The following NEGR1 variants were observed in gnomAD, a reference collection of about 807,000 sequenced individuals.
The protein encoded by NEGR1 is IgLON family member 4.
In NEGR1, 10 loss-of-function variants were observed where a neutral mutation model predicts 40.9. That is an observed-to-expected ratio of 0.24 (90% CI 0.15 to 0.42). The LOEUF (loss-of-function observed/expected upper bound fraction) is 0.42, where lower values mean the gene tolerates loss of function less well. Among genes scored for constraint, NEGR1 ranks in the 10% least tolerant of loss-of-function variants. The pLI is 1.00. For missense variants in NEGR1, 352 were observed against 438.9 expected (o/e 0.80, Z 1.77); for synonymous variants, 185 against 166.8 (o/e 1.11, Z -0.84).
At chr1:71,538,419 A>G (rs564699712) in intron 6 of NEGR1, among the ~76,000 whole-genome samples, 1 of 151,792 alleles carries the variant, frequency 6.6e-6, no homozygotes, top group East Asian at 2.0e-4. Context: ...CTGTTGAGAG[A>G]TAACATGATT....
chr1:72,258,903 T>C (rs999865892), intron 1 of NEGR1, among the ~76,000 whole-genome samples: 1 of 152,132 alleles, frequency 6.6e-6, no homozygotes, highest in East Asian at 1.9e-4. Flanking sequence ...TACATGACGT[T>C]GGTCATCTTT....
At chr1:71,493,542 G>A (rs1646943076) in intron 6 of NEGR1, among the ~76,000 whole-genome samples, 1 of 152,018 alleles carries the variant, frequency 6.6e-6, no homozygotes, top group Non-Finnish European at 1.5e-5. Flanking sequence ...CTCTTTTTAA[G>A]TCTTATGTTT....
rs10668432 is a variant in NEGR1, at chr1:71,836,480, G to GTATATA, written c.410-60189_410-60184dup. ...ACAAAAAACAACAAAATATATATGT[G>GTATATA]TATATATATATATATATATGAAGTC... On this transcript the variant is annotated intron_variant, in intron 2 of 6. Coordinates refer to ENST00000357731, the MANE Select transcript of NEGR1 (RefSeq NM_173808.3). Among the ~76,000 whole-genome samples the GTATATA allele has an allele frequency of 5.1e-3, 744 of 144,540 alleles. 2 individuals carry two copies. The highest frequency in any genetic ancestry group is 7.7e-3 in the Non-Finnish European group (509 of 66,342). The allele number at this position is 144,540 out of a possible 152,430, so 94.8% of individuals were successfully genotyped here.
chr1:71,726,038 T>C (rs907237899), intron 3 of NEGR1, among the ~76,000 whole-genome samples: 1 of 152,162 alleles, frequency 6.6e-6, no homozygotes, highest in Non-Finnish European at 1.5e-5. Context: ...ATACTGATGC[T>C]TGGAAAGAAT....
intron 1 of NEGR1, among the ~76,000 whole-genome samples, chr1:72,100,371 T>C (rs1050754789): frequency 6.6e-6 from 1 of 152,204 alleles, no homozygotes; most frequent in Non-Finnish European, 1.5e-5. Flanking sequence ...GTTTTTACTA[T>C]TGCAAACACC....
chr1:71,915,624 C>A (rs961377228), intron 2 of NEGR1, among the ~76,000 whole-genome samples: 1 of 152,060 alleles, frequency 6.6e-6, no homozygotes, highest in Non-Finnish European at 1.5e-5. Flanking sequence ...GACTAAGGGT[C>A]TCAAACTTGG....
At chr1:72,269,151 T>C (rs1160167968) in intron 1 of NEGR1, among the ~76,000 whole-genome samples, 1 of 151,764 alleles carries the variant, frequency 6.6e-6, no homozygotes, top group Non-Finnish European at 1.5e-5. Context: ...ACATATCTAA[T>C]ATGTTTGATT....
intron 2 of NEGR1, among the ~76,000 whole-genome samples, chr1:71,855,713 G>A (rs920437119): frequency 4.0e-5 from 6 of 151,400 alleles, no homozygotes; most frequent in African/African-American, 9.7e-5. Context: ...TTTCTTTTAA[G>A]GTGCTCAAAG....
At chr1:71,770,478 T>C (rs934423901) in intron 3 of NEGR1, among the ~76,000 whole-genome samples, 4 of 152,204 alleles carry the variant, frequency 2.6e-5, no homozygotes, top group Admixed American at 2.6e-4. Context: ...AAGTTACATT[T>C]TTAAAGCAAA....
At chr1:71,560,079 C>CATGATG (rs3050879) in intron 6 of NEGR1, among the ~76,000 whole-genome samples, 13 of 149,732 alleles carry the variant, frequency 8.7e-5, no homozygotes, top group African/African-American at 9.8e-5. Flanking sequence ...ACTAAGAGGT[C>CATGATG]ATGATGATGA....
intron 1 of NEGR1, among the ~76,000 whole-genome samples, chr1:72,277,487 C>T (rs1050662997): frequency 1.3e-5 from 2 of 152,078 alleles, no homozygotes; most frequent in Admixed American, 6.5e-5. Context: ...CTAAAAAGAT[C>T]GGGCAAAATA....
At chr1:71,925,764 C>G (rs1040419968) in intron 2 of NEGR1, among the ~76,000 whole-genome samples, 4 of 151,664 alleles carry the variant, frequency 2.6e-5, no homozygotes, top group Non-Finnish European at 5.9e-5. Context: ...TAGATCAAAT[C>G]CCATTAAAAC....
At chr1:71,504,358 G>C (rs1386007861) in intron 6 of NEGR1, among the ~76,000 whole-genome samples, 1 of 150,430 alleles carries the variant, frequency 6.6e-6, no homozygotes, top group Non-Finnish European at 1.5e-5. Context: ...CTGGGGAAAA[G>C]GTAGTCCAAA....
chr1:71,983,706 C>T (rs1020698786), intron 1 of NEGR1, among the ~76,000 whole-genome samples: 2 of 152,108 alleles, frequency 1.3e-5, no homozygotes, highest in Non-Finnish European at 2.9e-5. Context: ...GTCTGTGAGT[C>T]TCACAAATAG....
chr1:72,158,170 A>G (rs1651430068), intron 1 of NEGR1, among the ~76,000 whole-genome samples: 1 of 152,174 alleles, frequency 6.6e-6, no homozygotes, highest in South Asian at 2.1e-4. Context: ...CACTTGAGAT[A>G]GTGGTACGCT....
intron 1 of NEGR1, among the ~76,000 whole-genome samples, chr1:72,079,564 T>C (rs974786896): frequency 6.6e-6 from 1 of 152,066 alleles, no homozygotes; most frequent in Non-Finnish European, 1.5e-5. Context: ...CTTAAGAACA[T>C]GACAAGTAAA....
At chr1:71,842,023 A>T (rs1221186577) in intron 2 of NEGR1, among the ~76,000 whole-genome samples, 1 of 152,170 alleles carries the variant, frequency 6.6e-6, no homozygotes, top group Non-Finnish European at 1.5e-5. Context: ...GCAGCATTTA[A>T]TTCAGTTCTA....
At chr1:71,616,271 G>A (rs997189510) in intron 4 of NEGR1, among the ~76,000 whole-genome samples, 19 of 152,124 alleles carry the variant, frequency 1.2e-4, no homozygotes, top group Non-Finnish European at 2.9e-5. Flanking sequence ...GCTCCCCATC[G>A]CTGGCATTAC....
chr1:71,975,361 G>T lies in NEGR1; in HGVS notation c.177-40050C>A, dbSNP rs1208288538. On this transcript the variant is annotated intron_variant, in intron 1 of 6. Coordinates refer to ENST00000357731, the MANE Select transcript of NEGR1 (RefSeq NM_173808.3). ...CTGAAAGTGTTTCTAATATACCAAG[G>T]CTATGTCTAAGGATATTAAAAAATA... Among the ~76,000 whole-genome samples the T allele has an allele frequency of 2.6e-5, 4 of 151,968 alleles. No individual in the cohort carries two copies. The East Asian group carries it at 7.7e-4, about 29-fold the overall frequency.
Sources: gnomAD v4.1 joint callset for allele counts (sites outside exome capture counted in the v4.1 genomes callset) on GRCh38, gnomAD v4.1.1 for gene constraint, MANE v1.5 for transcripts, NCBI Gene and HGNC (gene_info 2026-07-23, HGNC 2026-07-21) for gene names.